Variants in PRKD3 observed in about 807,000 individuals in gnomAD.
The protein encoded by PRKD3 is protein kinase D3, also known as serine/threonine-protein kinase D3.
In PRKD3, 47 loss-of-function variants were observed where a neutral mutation model predicts 99.2. The observed-to-expected ratio is 0.47, with a 90% confidence interval of 0.38 to 0.60. The LOEUF (loss-of-function observed/expected upper bound fraction) is 0.60, where lower values mean the gene tolerates loss of function less well. PRKD3 is among the 20% of genes least tolerant of loss of function. The pLI is 0.00. For missense variants in PRKD3, 1,019 were observed against 1,088.4 expected, an observed-to-expected ratio of 0.94 and a Z score of 0.90; for synonymous variants, 392 against 355.4, an observed-to-expected ratio of 1.10 and a Z score of -1.16.
chr2:37,294,297 T>C (rs1339498429), intron 2 of PRKD3, among the ~76,000 whole-genome samples: 2 of 152,164 alleles, frequency 1.3e-5, no homozygotes, highest in African/African-American at 4.8e-5. Flanking sequence ...GGTCTCGCTG[T>C]GTGGCCCAGG....
chr2:37,260,517 A>T (rs1002906581), intron 14 of PRKD3, 133 bp from the exon 15 acceptor site: 6 of 822,018 alleles, frequency 7.3e-6, no homozygotes, highest in Non-Finnish European at 5.8e-6. Flanking sequence ...ACAAAATAAA[A>T]ATTACAATCA....
intron 11 of PRKD3, among the ~76,000 whole-genome samples, chr2:37,273,777 A>T (rs1281105125): frequency 2.6e-5 from 4 of 152,214 alleles, no homozygotes; most frequent in Non-Finnish European, 5.9e-5. Flanking sequence ...CCCCATAAGC[A>T]ACATAATGTT....
At chr2:37,275,938 T>C (rs1219165504) in intron 9 of PRKD3, 94 bp from the exon 10 acceptor site, 8 of 1,423,092 alleles carry the variant, frequency 5.6e-6, no homozygotes, top group African/African-American at 1.5e-5. Flanking sequence ...TTCATAAATT[T>C]GTATTTTTGA....
At position 37,252,997 on chromosome 2, in the gene PRKD3, A is replaced by C. The variant is rs55916526; in HGVS notation, c.*180T>G. 1.9e-4 allele frequency: 96 copies of C among 495,648 alleles called. No individual in the cohort carries two copies. The highest frequency in any genetic ancestry group is 5.9e-4 in the Admixed American group (14 of 23,788). 30.7% of individuals were successfully genotyped at this position (495,648 alleles called of 1,614,324 possible). A position where few individuals can be genotyped will look rare whatever the true frequency, so the allele number is the denominator to read the frequency against. Reference sequence around the variant, plus strand: ...CACCTTGATTCCATTATGACTTCTTATTATTCAGTTTCCCGCCTGTACCTA... The same window carrying C: ...CACCTTGATTCCATTATGACTTCTTCTTATTCAGTTTCCCGCCTGTACCTA... On this transcript the variant is annotated 3_prime_UTR_variant, in exon 19 of 19. Transcript: ENST00000234179.
At chr2:37,281,265 T>C (rs937159324) in intron 7 of PRKD3, among the ~76,000 whole-genome samples, 1 of 152,080 alleles carries the variant, frequency 6.6e-6, no homozygotes, top group African/African-American at 2.4e-5. Flanking sequence ...TGTTATAAGG[T>C]AGAAAAACAC....
chr2:37,302,464 AT>A (rs1476616822), intron 2 of PRKD3, among the ~76,000 whole-genome samples: 1 of 152,178 alleles, frequency 6.6e-6, no homozygotes, highest in African/African-American at 2.4e-5. Flanking sequence ...TTTAGACGTT[AT>A]TTTTTACAGC....
rs1439280940 is a variant in PRKD3 at position 37,316,529 on chromosome 2, C to G, written c.-5G>C. ...AGGGGAATTATTTGCAGACATCTGCCTTTCTTTAATCTTTTAAAATAGTTG... is the reference window on the plus strand; with the variant it reads ...AGGGGAATTATTTGCAGACATCTGCGTTTCTTTAATCTTTTAAAATAGTTG... On this transcript the variant is annotated 5_prime_UTR_variant, in exon 2 of 19. Transcript: ENST00000234179. The G allele has an allele frequency of 1.9e-6, 3 of 1,609,178 alleles. No homozygotes were observed. The highest frequency in any genetic ancestry group is 1.7e-4 in the Middle Eastern group (1 of 6,040).
At chr2:37,294,287 G>A (rs1485065917) in intron 2 of PRKD3, among the ~76,000 whole-genome samples, 2 of 152,024 alleles carry the variant, frequency 1.3e-5, no homozygotes, top group African/African-American at 2.4e-5. Flanking sequence ...TAGAGACAGG[G>A]GTCTCGCTGT....
At chr2:37,258,663 A>G (rs1003857617) in intron 16 of PRKD3, among the ~76,000 whole-genome samples, 1 of 152,234 alleles carries the variant, frequency 6.6e-6, no homozygotes, top group African/African-American at 2.4e-5. Context: ...ACCAACTATC[A>G]GGCAACCCTT....
chr2:37,284,909 A>T (rs905102049), intron 6 of PRKD3, among the ~76,000 whole-genome samples: 1 of 152,184 alleles, frequency 6.6e-6, no homozygotes, highest in Non-Finnish European at 1.5e-5. Flanking sequence ...GTCATTTAAC[A>T]TTAGGTATAT....
intron 12 of PRKD3, among the ~76,000 whole-genome samples, chr2:37,271,281 C>T (rs532920623): frequency 6.6e-6 from 1 of 152,050 alleles, no homozygotes; most frequent in Non-Finnish European, 1.5e-5. Context: ...CAAAATCCAG[C>T]CTGTTGCCTC....
chr2:37,273,985 T>C (rs1462094577), intron 11 of PRKD3, among the ~76,000 whole-genome samples: 1 of 152,226 alleles, frequency 6.6e-6, no homozygotes, highest in Non-Finnish European at 1.5e-5. Flanking sequence ...CATAATACTT[T>C]ATTGCCTGTT....
rs539719775 is a variant in PRKD3 at position 37,283,425 on chromosome 2, G to C, written c.911-806C>G. ...AAAAATAACTTTAAGTCCTGACTTAGAATGTTTTTGTAACCCTTGTGAGTC... is the reference window on the plus strand; with the variant it reads ...AAAAATAACTTTAAGTCCTGACTTACAATGTTTTTGTAACCCTTGTGAGTC... On this transcript the variant is annotated intron_variant, in intron 6 of 18. Coordinates refer to ENST00000234179, the MANE Select transcript of PRKD3 (RefSeq NM_005813.6). Among the ~76,000 whole-genome samples, 63 of 152,274 alleles carry C rather than the reference G, an allele frequency of 4.1e-4. No individual in the cohort carries two copies. In the South Asian group the frequency reaches 6.6e-3, roughly 16 times the overall value.
At chr2:37,268,735 A>G (rs192602071) in intron 13 of PRKD3, 77 of 164,556 alleles carry the variant, frequency 4.7e-4, no homozygotes, top group Non-Finnish European at 5.2e-5. Flanking sequence ...GGCAAAGGGT[A>G]TGGAGGCATG....
chr2:37,257,565 C>A (rs2148485222), intron 16 of PRKD3, among the ~76,000 whole-genome samples: 1 of 147,834 alleles, frequency 6.8e-6, no homozygotes, highest in African/African-American at 2.5e-5. Context: ...ACTTGGGAGG[C>A]TGAAGCAGGA....
intron 7 of PRKD3, chr2:37,282,219 T>C: frequency 4.1e-6 from 1 of 245,070 alleles, no homozygotes; most frequent in East Asian, 8.1e-5. Context: ...AAGCAGTTAG[T>C]ACATATTAGA....
At chr2:37,284,961 CT>C (rs1670024478) in intron 6 of PRKD3, among the ~76,000 whole-genome samples, 1 of 152,078 alleles carries the variant, frequency 6.6e-6, no homozygotes, top group African/African-American at 2.4e-5. Flanking sequence ...GCTTTATTTT[CT>C]TATATGCTTA....
intron 12 of PRKD3, among the ~76,000 whole-genome samples, chr2:37,271,556 G>T (rs1451034096): frequency 6.6e-6 from 1 of 152,156 alleles, no homozygotes; most frequent in African/African-American, 2.4e-5. Context: ...GGCCTGTTAG[G>T]AACCAGGCTG....
At position 37,316,737 on chromosome 2, in the gene PRKD3, C is replaced by A. The variant is rs1482650803; in HGVS notation, c.-213G>T. 1.4e-6 allele frequency: 2 copies of A among 1,387,112 alleles called. No homozygotes were observed. The highest frequency in any genetic ancestry group is 1.9e-6 in the Non-Finnish European group (2 of 1,075,662). 85.9% of individuals were successfully genotyped at this position (1,387,112 alleles called of 1,614,324 possible). On this transcript the variant is annotated 5_prime_UTR_variant, in exon 2 of 19. The change abolishes an upstream ATG in the 5' untranslated region. Transcript: ENST00000234179. ...GTCCTATTTCTCTTAATATCAGTCC[C>A]ATCAAAAAGCAGTCTTGTCTGTAGG... is the stretch of plus-strand genomic sequence containing the variant.
Sources: allele counts gnomAD v4.1 joint callset (sites outside exome capture counted in the v4.1 genomes callset), GRCh38; gene constraint gnomAD v4.1.1; transcripts MANE v1.5; gene names NCBI Gene and HGNC (gene_info 2026-07-23, HGNC 2026-07-21).